SH3BGRL2: variants seen among roughly 807,000 people sequenced by gnomAD.
The protein encoded by SH3BGRL2 is SH3 domain-binding glutamic acid-rich-like protein 2.
In SH3BGRL2, 21 loss-of-function variants were observed where a neutral mutation model predicts 14.8. That is an observed-to-expected ratio of 1.42 (90% CI 1.01 to 2.05). The LOEUF (loss-of-function observed/expected upper bound fraction) is 2.05, where lower values mean the gene tolerates loss of function less well. Among genes scored for constraint, SH3BGRL2 ranks in the 30% most tolerant of loss-of-function variants. The pLI is 0.00. For synonymous variants in SH3BGRL2, 50 were observed against 47.8 expected (o/e 1.05, Z -0.19); for missense variants, 147 against 130.8 (o/e 1.12, Z -0.61).
At chr6:79,673,948 G>A (rs1769830098) in intron 2 of SH3BGRL2, 149 bp downstream of exon 2, 2 of 803,894 alleles carry the variant, frequency 2.5e-6, no homozygotes, top group South Asian at 3.7e-5. Flanking sequence ...GTGAAGTTGA[G>A]AAGGGATGTG....
chr6:79,545,098 T>C, the SH3BGRL2 span, among the ~76,000 whole-genome samples: 1 of 152,222 alleles, frequency 6.6e-6, no homozygotes, highest in East Asian at 1.9e-4. Flanking sequence ...GTCAAGCTTC[T>C]CAGCTGGCCT....
rs965462679 is a variant in SH3BGRL2, at chr6:79,700,127, T to G, written c.*618T>G. The G allele has an allele frequency of 3.9e-5, 6 of 152,218 alleles. No individual in the cohort carries two copies. The highest frequency in any genetic ancestry group is 1.4e-4 in the African/African-American group (6 of 41,446). 9.4% of individuals were successfully genotyped at this position (152,218 alleles called of 1,614,324 possible). On this transcript the variant is annotated 3_prime_UTR_variant, in exon 4 of 4. Coordinates refer to ENST00000369838, the MANE Select transcript of SH3BGRL2 (RefSeq NM_031469.4). ...ATTATCCTACAGATGTTTCCAGAAA[T>G]CCCTGTTGTAACATCAAGTGATCAG...
intron 1 of SH3BGRL2, among the ~76,000 whole-genome samples, chr6:79,661,906 G>C (rs563114461): frequency 1.3e-5 from 2 of 152,206 alleles, no homozygotes; most frequent in Non-Finnish European, 2.9e-5. Flanking sequence ...TGTCTCTTTT[G>C]ATCTTTGTTG....
At chr6:79,561,184 A>G in the SH3BGRL2 span, 3 of 151,792 alleles carry the variant, frequency 2.0e-5, no homozygotes, top group Admixed American at 2.0e-4. Context: ...CCGGCCAACA[A>G]TACATTCTTT....
intron 1 of SH3BGRL2, among the ~76,000 whole-genome samples, chr6:79,657,622 AT>A (rs928394035): frequency 1.8e-4 from 27 of 149,104 alleles, no homozygotes; most frequent in East Asian, 5.9e-4. Flanking sequence ...ATTTTTTTTA[AT>A]TTTTTTTTTT....
At chr6:79,583,444 A>C in the SH3BGRL2 span, among the ~76,000 whole-genome samples, 1 of 152,298 alleles carries the variant, frequency 6.6e-6, no homozygotes, top group African/African-American at 2.4e-5. Flanking sequence ...ATGGAATACT[A>C]TGCAGCCATA....
At chr6:79,628,215 A>C (rs551003370), upstream of SH3BGRL2, among the ~76,000 whole-genome samples, 1 of 152,230 alleles carries the variant, frequency 6.6e-6, no homozygotes, top group East Asian at 1.9e-4. Context: ...ACATTTTGGT[A>C]ATTGTTTTGC....
At chr6:79,633,134 G>T (rs1768858165) in intron 1 of SH3BGRL2, among the ~76,000 whole-genome samples, 1 of 152,168 alleles carries the variant, frequency 6.6e-6, no homozygotes, top group South Asian at 2.1e-4. Context: ...CCTGCCTGCT[G>T]TGTGCCTTTT....
chr6:79,585,317 T>C, the SH3BGRL2 span, among the ~76,000 whole-genome samples: 1 of 152,140 alleles, frequency 6.6e-6, no homozygotes, highest in Non-Finnish European at 1.5e-5. Flanking sequence ...AACTAATTTT[T>C]AAATTAAAAA....
chr6:79,669,174 T>C (rs1382770365), intron 1 of SH3BGRL2, among the ~76,000 whole-genome samples: 1 of 152,200 alleles, frequency 6.6e-6, no homozygotes, highest in Non-Finnish European at 1.5e-5. Context: ...AGAATTGACA[T>C]TGTAGAGAGA....
the SH3BGRL2 span, among the ~76,000 whole-genome samples, chr6:79,549,735 ATCTTT>A: frequency 1.3e-5 from 2 of 152,350 alleles, no homozygotes; most frequent in East Asian, 3.9e-4. Context: ...TAATCTCCTC[ATCTTT>A]TATAACAGTG....
chr6:79,685,490 A>G (rs1171177138), intron 2 of SH3BGRL2, among the ~76,000 whole-genome samples: 1 of 152,084 alleles, frequency 6.6e-6, no homozygotes, highest in African/African-American at 2.4e-5. Context: ...CTTGCCATTC[A>G]TGTATTAATA....
intron 2 of SH3BGRL2, among the ~76,000 whole-genome samples, chr6:79,682,581 T>C (rs1300305074): frequency 1.3e-5 from 2 of 149,172 alleles, no homozygotes; most frequent in Non-Finnish European, 1.5e-5. Context: ...ATGATTATTA[T>C]ATGTGTTGCT....
At chr6:79,633,763 G>A (rs956240654) in intron 1 of SH3BGRL2, among the ~76,000 whole-genome samples, 5 of 152,080 alleles carry the variant, frequency 3.3e-5, no homozygotes, top group African/African-American at 1.2e-4. Flanking sequence ...TCCTATATCA[G>A]TACACAGTTT....
upstream of SH3BGRL2, among the ~76,000 whole-genome samples, chr6:79,627,167 T>G (rs59979922): frequency 0.017 from 2,583 of 152,278 alleles, 70 homozygotes; most frequent in African/African-American, 0.059. Context: ...CCCAATCCTA[T>G]CCCAGCCTCA....
the SH3BGRL2 span, chr6:79,553,110 A>G: frequency 6.6e-6 from 1 of 151,968 alleles, no homozygotes; most frequent in Non-Finnish European, 1.5e-5. Flanking sequence ...GAATTTTCCT[A>G]CGAGAATCAC....
chr6:79,636,294 G>T (rs1391571640), intron 1 of SH3BGRL2, among the ~76,000 whole-genome samples: 1 of 152,140 alleles, frequency 6.6e-6, no homozygotes, highest in Non-Finnish European at 1.5e-5. Flanking sequence ...CATCCTGGGG[G>T]AATGAGAGTA....
Position 79,673,760 on chromosome 6 carries a change from C to G in SH3BGRL2, c.192C>G (p.Pro64=), listed in dbSNP as rs1350972220. ...AAAAGAAACCCACTCAGGGCAACCCCCTGCCACCTCAGATATTTAATGGCG... is the reference window on the plus strand; with the variant it reads ...AAAAGAAACCCACTCAGGGCAACCCGCTGCCACCTCAGATATTTAATGGCG... The part of the protein sequence containing the change: ...PPEKKPTQGN[P]LPPQIFNGDR... Residue 64 remains proline, a synonymous_variant, in exon 2 of 4, where the codon CCC becomes CCG. Coordinates refer to ENST00000369838, the MANE Select transcript of SH3BGRL2 (RefSeq NM_031469.4). The G allele has an allele frequency of 6.2e-7, 1 of 1,614,008 alleles. No individual in the cohort carries two copies. The highest frequency in any genetic ancestry group is 1.1e-5 in the South Asian group (1 of 91,050).
chr6:79,661,308 C>G (rs1010785039), intron 1 of SH3BGRL2, among the ~76,000 whole-genome samples: 1 of 152,144 alleles, frequency 6.6e-6, no homozygotes, highest in Admixed American at 6.5e-5. Flanking sequence ...TTAAATGTGT[C>G]CCATAGATTC....
Sources: allele counts gnomAD v4.1 joint callset (sites outside exome capture counted in the v4.1 genomes callset), GRCh38; gene constraint gnomAD v4.1.1; transcripts MANE v1.5; gene names NCBI Gene and HGNC (gene_info 2026-07-23, HGNC 2026-07-21).